The following ABCD2 variants were observed in gnomAD, a reference collection of about 807,000 sequenced individuals.
The protein encoded by ABCD2 is ATP binding cassette subfamily D member 2.
ABCD2 carries 36 observed loss-of-function variants against 70.9 expected under a neutral mutation model. The ratio of observed to expected loss-of-function variants is 0.51; its 90% CI spans 0.39 to 0.67. The LOEUF is 0.67. Ranked by LOEUF, ABCD2 falls within the 30% of genes least tolerant of loss-of-function variation. The pLI, the probability that ABCD2 is intolerant of heterozygous loss-of-function variation, is 0.00. For missense variants in ABCD2, 729 were observed against 890.2 expected, an observed-to-expected ratio of 0.82 and a Z score of 2.30; for synonymous variants, 304 against 306.9, an observed-to-expected ratio of 0.99 and a Z score of 0.10.
At chr12:39,561,854 A>G (rs1479359027) in intron 9 of ABCD2, among the ~76,000 whole-genome samples, 1 of 152,212 alleles carries the variant, frequency 6.6e-6, no homozygotes, top group Non-Finnish European at 1.5e-5. Context: ...ACAAACATTT[A>G]TAGAAAATTT....
intron 9 of ABCD2, among the ~76,000 whole-genome samples, chr12:39,568,527 T>G (rs1392874967): frequency 1.3e-5 from 2 of 152,142 alleles, no homozygotes; most frequent in African/African-American, 4.8e-5. Flanking sequence ...TAGCCATTCG[T>G]CTAATTTTTT....
chr12:39,586,197 T>C lies in ABCD2; in HGVS notation c.1747A>G (p.Ile583Val), dbSNP rs766723246. The change falls in exon 7 of 10, where the codon ATC becomes GTC. Residue 583 changes from isoleucine (I) to valine (V), a missense_variant. Coordinates refer to ENST00000308666, the MANE Select transcript of ABCD2 (RefSeq NM_005164.4). ...KGYTDQDLERILHNVHLYHIV... is the reference protein window; with the variant it reads ...KGYTDQDLERVLHNVHLYHIV... ...TGATAGAGATGGACATTGTGTAGGA[T>C]ACGTTCCAGATCTTGGTCTGTATAA... 1 of 1,613,576 alleles carries C rather than the reference T, an allele frequency of 6.2e-7. No homozygotes were observed.
At chr12:39,561,421 G>T (rs1941256923) in intron 9 of ABCD2, among the ~76,000 whole-genome samples, 1 of 151,428 alleles carries the variant, frequency 6.6e-6, no homozygotes, top group African/African-American at 2.4e-5. Flanking sequence ...ACAGTGTCTG[G>T]ATTAAAAAGC....
At chr12:39,594,891 T>C (rs888786760) in intron 6 of ABCD2, among the ~76,000 whole-genome samples, 5 of 152,032 alleles carry the variant, frequency 3.3e-5, no homozygotes, top group African/African-American at 1.2e-4. Context: ...CGATAATCAC[T>C]TGAGGCCAGG....
intron 9 of ABCD2, among the ~76,000 whole-genome samples, chr12:39,558,549 C>G (rs570305551): frequency 6.6e-6 from 1 of 152,236 alleles, no homozygotes; most frequent in East Asian, 1.9e-4. Context: ...GGGGTTTCCC[C>G]CATGTTGTTC....
the ABCD2 span, among the ~76,000 whole-genome samples, chr12:39,543,916 T>C: frequency 6.6e-6 from 1 of 152,150 alleles, no homozygotes; most frequent in Non-Finnish European, 1.5e-5. Flanking sequence ...AAGGACTACC[T>C]CTCCCACAAA....
intron 7 of ABCD2, among the ~76,000 whole-genome samples, chr12:39,585,182 C>CT (rs1941648708): frequency 6.6e-6 from 1 of 152,096 alleles, no homozygotes; most frequent in South Asian, 2.1e-4. Context: ...TGTGTCTTCT[C>CT]TGATTTCTTT....
chr12:39,537,706 C>T, the ABCD2 span, among the ~76,000 whole-genome samples: 1 of 152,160 alleles, frequency 6.6e-6, no homozygotes, highest in Non-Finnish European at 1.5e-5. Context: ...AGGAAACAAC[C>T]AAAAGTCCAG....
At chr12:39,584,156 T>C (rs1394473783) in intron 7 of ABCD2, among the ~76,000 whole-genome samples, 1 of 152,200 alleles carries the variant, frequency 6.6e-6, no homozygotes, top group Non-Finnish European at 1.5e-5. Flanking sequence ...GTTCTCTTTT[T>C]CCCACAACCT....
chr12:39,541,701 ATGTTCACAGC>A, the ABCD2 span, among the ~76,000 whole-genome samples: 1 of 152,220 alleles, frequency 6.6e-6, no homozygotes. Flanking sequence ...ATGGATAAAA[ATGTTCACAGC>A]AGTATGCTCC....
intron 6 of ABCD2, among the ~76,000 whole-genome samples, chr12:39,587,734 T>C (rs1485901414): frequency 6.6e-6 from 1 of 152,172 alleles, no homozygotes; most frequent in Non-Finnish European, 1.5e-5. Context: ...AAAGTGTTAC[T>C]ATTCAATAAA....
chr12:39,599,446 G>A (rs1463283451), intron 6 of ABCD2, among the ~76,000 whole-genome samples: 1 of 152,148 alleles, frequency 6.6e-6, no homozygotes, highest in Non-Finnish European at 1.5e-5. Flanking sequence ...GTTTCCCAAA[G>A]GAATTGAAAG....
At chr12:39,592,353 TA>T (rs1359805233) in intron 6 of ABCD2, among the ~76,000 whole-genome samples, 1 of 152,256 alleles carries the variant, frequency 6.6e-6, no homozygotes, top group African/African-American at 2.4e-5. Context: ...AGATTGCTCA[TA>T]ATTAGTGTAA....
At position 39,586,312 on chromosome 12, in the gene ABCD2, G is replaced by A. The variant is rs1022475623; in HGVS notation, c.1647-15C>T. On this transcript the variant is annotated splice_polypyrimidine_tract_variant and intron_variant, in intron 6 of 9. Transcript: ENST00000308666. Reference sequence around the variant, plus strand: ...ACATATATGGCCTTTAAAACACCAAGCACACAAGAATCCTAGTGGAAAGTC... The same window carrying A: ...ACATATATGGCCTTTAAAACACCAAACACACAAGAATCCTAGTGGAAAGTC... 1 of 1,602,470 alleles carries A rather than the reference G, an allele frequency of 6.2e-7. No individual in the cohort carries two copies. The highest frequency in any genetic ancestry group is 8.5e-7 in the Non-Finnish European group (1 of 1,175,618).
downstream of ABCD2, among the ~76,000 whole-genome samples, chr12:39,545,415 A>G (rs547962145): frequency 1.7e-4 from 26 of 152,200 alleles, no homozygotes; most frequent in African/African-American, 6.3e-4. Flanking sequence ...GCCTCACAAC[A>G]TGCAATGAAG....
chr12:39,590,411 A>G (rs945749253), intron 6 of ABCD2, among the ~76,000 whole-genome samples: 5 of 152,190 alleles, frequency 3.3e-5, no homozygotes, highest in Non-Finnish European at 7.4e-5. Flanking sequence ...AAGAAATATT[A>G]ACTAGTTTTA....
intron 2 of ABCD2, among the ~76,000 whole-genome samples, chr12:39,609,152 G>A (rs1344394812): frequency 2.0e-5 from 3 of 152,162 alleles, no homozygotes; most frequent in Admixed American, 2.0e-4. Context: ...ACTCCTTAAT[G>A]TGCATTGAAT....
the ABCD2 span, among the ~76,000 whole-genome samples, chr12:39,536,769 C>T: frequency 0.086 from 13,053 of 152,178 alleles, 1,201 homozygotes; most frequent in African/African-American, 0.23. Flanking sequence ...ATTTTATACC[C>T]CTGTGTTCCA....
At chr12:39,603,885 T>G in intron 5 of ABCD2, 27 bp downstream of exon 5, 2 of 1,519,116 alleles carry the variant, frequency 1.3e-6, no homozygotes, top group Non-Finnish European at 1.8e-6. Flanking sequence ...ATGGCAACAA[T>G]CAGAAGATTC....
Sources: gnomAD v4.1 joint callset for allele counts (sites outside exome capture counted in the v4.1 genomes callset) on GRCh38, gnomAD v4.1.1 for gene constraint, MANE v1.5 for transcripts, NCBI Gene and HGNC (gene_info 2026-07-23, HGNC 2026-07-21) for gene names.